The following RBFOX3 variants were observed in gnomAD, a reference collection of about 807,000 sequenced individuals.
RBFOX3 encodes RNA binding fox-1 homolog 3.
RBFOX3 carries 17 observed loss-of-function variants against 48.7 expected under a neutral mutation model. The ratio of observed to expected loss-of-function variants is 0.35; its 90% CI spans 0.24 to 0.52. The LOEUF is 0.52. RBFOX3 is among the 20% of genes least tolerant of loss of function. The pLI is 0.94. For missense variants in RBFOX3, 382 were observed against 497.5 expected (o/e 0.77, Z 2.21); for synonymous variants, 212 against 209.5 (o/e 1.01, Z -0.10).
At chr17:79,531,021 C>G (rs1184662216) in intron 1 of RBFOX3, among the ~76,000 whole-genome samples, 1 of 152,252 alleles carries the variant, frequency 6.6e-6, no homozygotes, top group Non-Finnish European at 1.5e-5. Context: ...TCTTGGCCCT[C>G]TACCCTAAGG....
intron 4 of RBFOX3, among the ~76,000 whole-genome samples, chr17:79,154,170 C>G (rs1249899324): frequency 7.0e-6 from 1 of 142,444 alleles, no homozygotes; most frequent in Non-Finnish European, 1.5e-5. Context: ...CCACCAGAGT[C>G]TGTGTTCAGT....
intron 2 of RBFOX3, among the ~76,000 whole-genome samples, chr17:79,417,381 G>A (rs1208784840): frequency 6.6e-6 from 1 of 152,186 alleles, no homozygotes; most frequent in Non-Finnish European, 1.5e-5. Context: ...GACACCCCTG[G>A]CCCTGTCACA....
In RBFOX3 at chr17:79,361,990, T is replaced by A. The variant is rs1379530459; in HGVS notation, c.-174-54166A>T. Among the ~76,000 whole-genome samples the A allele has an allele frequency of 1.3e-5, 2 of 152,266 alleles. No individual in the cohort carries two copies. The highest frequency in any genetic ancestry group is 2.9e-5 in the Non-Finnish European group (2 of 68,050). ...AAGCGGTGTTGGCTCTTCTCCGAGA[T>A]TCTTCGAGTCTCTCTGTAAATAATA... On this transcript the variant is annotated intron_variant, in intron 2 of 14. Transcript: ENST00000693108. This position sits in a 1 kb window ranked among gnomAD's most constrained non-coding sequence, Gnocchi z 4.5.
chr17:79,428,552 C>A (rs571188403), intron 2 of RBFOX3, among the ~76,000 whole-genome samples: 1 of 152,244 alleles, frequency 6.6e-6, no homozygotes, highest in Non-Finnish European at 1.5e-5. Context: ...AGGTGACCCA[C>A]GGGCCTTCCT....
chr17:79,562,045 C>G (rs2092256283), intron 1 of RBFOX3, among the ~76,000 whole-genome samples: 1 of 152,218 alleles, frequency 6.6e-6, no homozygotes, highest in South Asian at 2.1e-4. Flanking sequence ...CAGCAGCCAC[C>G]AAAGGCCACC....
At chr17:79,168,718 G>T (rs569622132) in intron 4 of RBFOX3, among the ~76,000 whole-genome samples, 2 of 152,342 alleles carry the variant, frequency 1.3e-5, no homozygotes, top group South Asian at 4.1e-4. Context: ...GCCTCTCTGC[G>T]GGTGGCCCGG....
intron 4 of RBFOX3, among the ~76,000 whole-genome samples, chr17:79,180,865 G>A (rs1487141647): frequency 1.3e-5 from 2 of 151,914 alleles, no homozygotes; most frequent in Admixed American, 1.3e-4. Context: ...GCAGGCTCTG[G>A]CTTTCCCAGG....
chr17:79,314,534 A>G (rs1214567669), intron 2 of RBFOX3, among the ~76,000 whole-genome samples: 1 of 152,226 alleles, frequency 6.6e-6, no homozygotes, highest in Non-Finnish European at 1.5e-5. Context: ...CTCACTCGGC[A>G]TTCTCTGAAA....
rs1326783439 is a variant in RBFOX3, at chr17:79,421,927, A to T, written c.-175+60527T>A. ...TGCCCGGTCCTCAGCAACTGGCCCC[A>T]TGTTCCACAGGCTCAGCAGCTCCCA... On this transcript the variant is annotated intron_variant, in intron 2 of 14. Coordinates refer to ENST00000693108, the MANE Select transcript of RBFOX3 (RefSeq NM_001350451.2). This position sits in a 1 kb window ranked among gnomAD's most constrained non-coding sequence, Gnocchi z 4.5. Among the ~76,000 whole-genome samples the T allele has an allele frequency of 6.6e-6, 1 of 152,060 alleles. No individual in the cohort carries two copies. Among genetic ancestry groups the T allele is most frequent in the Non-Finnish European group, 1.5e-5 (1 of 67,988 alleles).
chr17:79,144,079 C>T (rs1294242199), intron 4 of RBFOX3, among the ~76,000 whole-genome samples: 1 of 152,230 alleles, frequency 6.6e-6, no homozygotes, highest in Non-Finnish European at 1.5e-5. Flanking sequence ...ACAGGCCCGG[C>T]ACTGGCATCG....
At chr17:79,403,179 A>G (rs1335590737) in intron 2 of RBFOX3, among the ~76,000 whole-genome samples, 1 of 151,986 alleles carries the variant, frequency 6.6e-6, no homozygotes, top group Admixed American at 6.5e-5. Flanking sequence ...GTGCTTGGGG[A>G]GGGGCGGTGA....
intron 2 of RBFOX3, among the ~76,000 whole-genome samples, chr17:79,356,708 A>C (rs898264775): frequency 6.6e-6 from 1 of 152,034 alleles, no homozygotes; most frequent in South Asian, 2.1e-4. Context: ...AGAAGGACAT[A>C]ATTTAGTGAT....
At chr17:79,095,953 ACCAGGCC>A (rs1405024034) in intron 12 of RBFOX3, among the ~76,000 whole-genome samples, 2 of 152,314 alleles carry the variant, frequency 1.3e-5, no homozygotes, top group Non-Finnish European at 2.9e-5. Context: ...CAGACCTGCC[ACCAGGCC>A]ACTGAGGCCT....
intron 3 of RBFOX3, among the ~76,000 whole-genome samples, chr17:79,237,884 G>A (rs1253618929): frequency 6.6e-6 from 1 of 152,212 alleles, no homozygotes; most frequent in African/African-American, 2.4e-5. Context: ...CACTTCGAAA[G>A]GAAATGTGTC....
intron 4 of RBFOX3, among the ~76,000 whole-genome samples, chr17:79,232,561 T>C (rs1419722120): frequency 1.3e-5 from 2 of 152,202 alleles, no homozygotes; most frequent in Non-Finnish European, 2.9e-5. Flanking sequence ...TAAGTAATAA[T>C]GAAATCATTG....
intron 1 of RBFOX3, among the ~76,000 whole-genome samples, chr17:79,590,238 A>G (rs899583847): frequency 9.2e-5 from 14 of 152,178 alleles, no homozygotes; most frequent in Admixed American, 9.2e-4. Flanking sequence ...GCGCCAAGAT[A>G]GCACGCGGTA....
intron 1 of RBFOX3, among the ~76,000 whole-genome samples, chr17:79,540,142 T>C (rs1055867263): frequency 6.6e-6 from 1 of 152,200 alleles, no homozygotes; most frequent in Non-Finnish European, 1.5e-5. Context: ...ATCACACGCA[T>C]GCACACACAC....
intron 5 of RBFOX3, among the ~76,000 whole-genome samples, chr17:79,108,106 C>T (rs1431642900): frequency 6.6e-6 from 1 of 152,238 alleles, no homozygotes; most frequent in East Asian, 1.9e-4. Context: ...TGGCTCTGGG[C>T]CTCCTGACAC....
At chr17:79,330,472 C>T (rs1281140539) in intron 2 of RBFOX3, among the ~76,000 whole-genome samples, 3 of 152,010 alleles carry the variant, frequency 2.0e-5, no homozygotes, top group Admixed American at 1.3e-4. Context: ...TTTCTTTTCA[C>T]GCTGCAGAAT....
Sources: gnomAD v4.1 joint callset for allele counts (sites outside exome capture counted in the v4.1 genomes callset) on GRCh38, gnomAD v4.1.1 for gene constraint, Gnocchi (gnomAD v3.1) non-coding constraint, MANE v1.5 for transcripts, NCBI Gene and HGNC (gene_info 2026-07-23, HGNC 2026-07-21) for gene names.